Variants in ZPBP observed in about 807,000 individuals in gnomAD.
ZPBP encodes the protein zona pellucida-binding protein 1.
A neutral mutation model predicts 44.8 loss-of-function variants in ZPBP; 26 were observed. That is an observed-to-expected ratio of 0.58 (90% CI 0.43 to 0.81). The LOEUF (loss-of-function observed/expected upper bound fraction) is 0.81, where lower values mean the gene tolerates loss of function less well. Among genes scored for constraint, ZPBP ranks in the 30% least tolerant of loss-of-function variants. ZPBP has a pLI of 0.00. For missense variants in ZPBP, 409 were observed against 434.0 expected (o/e 0.94, Z 0.51); for synonymous variants, 174 against 153.2 (o/e 1.14, Z -1.00).
At chr7:49,970,891 T>C (rs1013674246) in intron 7 of ZPBP, among the ~76,000 whole-genome samples, 1 of 148,672 alleles carries the variant, frequency 6.7e-6, no homozygotes, top group Admixed American at 6.7e-5. Context: ...AATAAATAAA[T>C]AAATAAGCCA....
chr7:50,026,705 A>G (rs962071942), intron 5 of ZPBP, among the ~76,000 whole-genome samples: 4 of 151,824 alleles, frequency 2.6e-5, no homozygotes, highest in African/African-American at 9.7e-5. Context: ...CTAAATTTCT[A>G]TGGCTACAAA....
At position 49,983,310 on chromosome 7, in the gene ZPBP, T is replaced by C. The variant is rs780870602; in HGVS notation, c.961+32A>G. ...ATGAAAACACATAAATTTTCAACAA[T>C]ATAAAACATGAAATCATAATTCATT... On this transcript the variant is annotated intron_variant, in intron 7 of 7. Coordinates refer to ENST00000046087, the MANE Select transcript of ZPBP (RefSeq NM_007009.3). 9 of 1,605,902 alleles carry C rather than the reference T, an allele frequency of 5.6e-6. No individual in the cohort carries two copies. The Admixed American group carries it at 1.0e-4, about 18-fold the overall frequency.
chr7:49,972,666 T>C (rs942850760), intron 7 of ZPBP, among the ~76,000 whole-genome samples: 1 of 152,058 alleles, frequency 6.6e-6, no homozygotes, highest in East Asian at 1.9e-4. Context: ...CAAAGCAATC[T>C]ACAGATTCAG....
downstream of ZPBP, among the ~76,000 whole-genome samples, chr7:49,847,933 T>C (rs1316817159): frequency 1.3e-5 from 2 of 152,152 alleles, no homozygotes; most frequent in African/African-American, 4.8e-5. Flanking sequence ...TGGAATGGGT[T>C]AGCACTGGGA....
chr7:50,010,908 C>CAAAAAAAAAAAA (rs71554292), intron 6 of ZPBP, among the ~76,000 whole-genome samples: 7 of 92,434 alleles, frequency 7.6e-5, no homozygotes, highest in African/African-American at 1.1e-4. Context: ...CAAGACCAAG[C>CAAAAAAAAAAAA]AAAAAAAAAA....
At chr7:49,858,636 A>G (rs1790524303) in intron 2 of ZPBP, among the ~76,000 whole-genome samples, 1 of 151,948 alleles carries the variant, frequency 6.6e-6, no homozygotes, top group Non-Finnish European at 1.5e-5. Context: ...GCACACCAAC[A>G]CGGCACATGT....
chr7:50,045,148 C>A (rs1264003758), intron 4 of ZPBP, among the ~76,000 whole-genome samples: 1 of 152,142 alleles, frequency 6.6e-6, no homozygotes, highest in African/African-American at 2.4e-5. Context: ...TGGAACGTAT[C>A]TCAAAATAAT....
chr7:49,986,409 C>G (rs1202002397), intron 6 of ZPBP, among the ~76,000 whole-genome samples: 1 of 152,198 alleles, frequency 6.6e-6, no homozygotes, highest in East Asian at 1.9e-4. Flanking sequence ...TCCCTCCCAG[C>G]TGGGGCTGGG....
Position 50,081,769 on chromosome 7 carries a change from C to T in ZPBP, c.334+5G>A, listed in dbSNP as rs968674558. 36 of 1,610,470 alleles carry T rather than the reference C, an allele frequency of 2.2e-5. No individual in the cohort carries two copies. The highest frequency in any genetic ancestry group is 1.8e-4 in the Admixed American group (11 of 59,728). On this transcript the variant is annotated splice_donor_5th_base_variant and intron_variant, in intron 3 of 7. Coordinates refer to ENST00000046087, the MANE Select transcript of ZPBP (RefSeq NM_007009.3). ...TTAATTACAATAATTGAAACAAAAT[C>T]CTACCTGAAACAACTTTTCCTTTAG... is the stretch of plus-strand genomic sequence containing the variant.
chr7:49,853,342 A>G (rs889047116), intron 2 of ZPBP, among the ~76,000 whole-genome samples: 1 of 152,184 alleles, frequency 6.6e-6, no homozygotes, highest in African/African-American at 2.4e-5. Flanking sequence ...GTCCCTCCCC[A>G]GGCCCAGGAA....
intron 4 of ZPBP, among the ~76,000 whole-genome samples, chr7:50,035,382 C>T (rs1453226640): frequency 1.3e-5 from 2 of 152,214 alleles, no homozygotes; most frequent in African/African-American, 2.4e-5. Flanking sequence ...TTGCTTTCTA[C>T]TAAATAGGTG....
At chr7:49,952,411 T>G (rs1402946764) in intron 7 of ZPBP, among the ~76,000 whole-genome samples, 1 of 151,900 alleles carries the variant, frequency 6.6e-6, no homozygotes, top group African/African-American at 2.4e-5. Context: ...TGACAAACAT[T>G]CCACACAATA....
chr7:50,033,165 A>G (rs1294059501), intron 4 of ZPBP, among the ~76,000 whole-genome samples: 1 of 152,170 alleles, frequency 6.6e-6, no homozygotes, highest in East Asian at 1.9e-4. Flanking sequence ...AGCAAAATCA[A>G]AACATTTGCC....
intron 3 of ZPBP, among the ~76,000 whole-genome samples, chr7:50,061,143 G>A (rs1226452212): frequency 6.6e-6 from 1 of 152,042 alleles, no homozygotes. Flanking sequence ...AATAAACTGG[G>A]CATCAAAGGA....
At chr7:50,026,612 T>C (rs1340439519) in intron 5 of ZPBP, among the ~76,000 whole-genome samples, 3 of 151,938 alleles carry the variant, frequency 2.0e-5, no homozygotes, top group African/African-American at 7.2e-5. Context: ...TGCCCCTTTA[T>C]CAACTAAGAT....
chr7:50,040,311 C>T (rs1800012929), intron 4 of ZPBP, among the ~76,000 whole-genome samples: 1 of 152,292 alleles, frequency 6.6e-6, no homozygotes, highest in African/African-American at 2.4e-5. Context: ...ATGCATACTG[C>T]AATCACAAGA....
At chr7:50,039,935 G>C (rs1056375728) in intron 4 of ZPBP, among the ~76,000 whole-genome samples, 1 of 152,056 alleles carries the variant, frequency 6.6e-6, no homozygotes, top group Admixed American at 6.6e-5. Context: ...AACTGATTCT[G>C]ATAGGTTAAT....
At chr7:49,910,221 C>G (rs543588580) in intron 1 of ZPBP, among the ~76,000 whole-genome samples, 27 of 152,282 alleles carry the variant, frequency 1.8e-4, no homozygotes, top group African/African-American at 6.3e-4. Flanking sequence ...GGCCCTCCAC[C>G]TCCTGGGCGA....
intron 2 of ZPBP, among the ~76,000 whole-genome samples, chr7:49,884,563 C>A (rs186647070): frequency 6.6e-6 from 1 of 152,074 alleles, no homozygotes; most frequent in African/African-American, 2.4e-5. Context: ...AGTTCTAAGA[C>A]AAATATAAAT....
Sources: allele counts gnomAD v4.1 joint callset (sites outside exome capture counted in the v4.1 genomes callset), GRCh38; gene constraint gnomAD v4.1.1; transcripts MANE v1.5; gene names NCBI Gene and HGNC (gene_info 2026-07-23, HGNC 2026-07-21).